Variants in ABCA4 observed in about 807,000 individuals in gnomAD.
ABCA4 encodes retinal-specific phospholipid-transporting ATPase ABCA4.
Under a neutral mutation model 263.7 loss-of-function variants are expected in ABCA4, and 196 were observed. The ratio of observed to expected loss-of-function variants is 0.74; its 90% CI spans 0.66 to 0.84. The LOEUF is 0.84. Ranked by LOEUF, ABCA4 falls within the 40% of genes least tolerant of loss-of-function variation. ABCA4 has a pLI of 0.00. For synonymous variants in ABCA4, 1,133 were observed against 1,094.2 expected (o/e 1.04, Z -0.70); for missense variants, 2,792 against 2,855.1 (o/e 0.98, Z 0.50).
intron 11 of ABCA4, among the ~76,000 whole-genome samples, chr1:94,067,737 A>G (rs759369129): frequency 4.6e-5 from 7 of 152,214 alleles, no homozygotes; most frequent in Non-Finnish European, 7.3e-5. Context: ...TAGGAATAAA[A>G]GCAGATGCTT....
chr1:94,059,818 G>C (rs889213431), intron 14 of ABCA4, among the ~76,000 whole-genome samples: 1 of 152,112 alleles, frequency 6.6e-6, no homozygotes, highest in South Asian at 2.1e-4. Context: ...TATCATCTAC[G>C]GTGGAGGAGC....
In ABCA4 at chr1:94,020,591, G is replaced by C. The variant is rs548617822; in HGVS notation, c.5018+649C>G. Among the ~76,000 whole-genome samples, 33 of 152,336 alleles carry C rather than the reference G, an allele frequency of 2.2e-4. No individual in the cohort carries two copies. In the East Asian group the frequency reaches 5.4e-3, roughly 25 times the overall value. ...GGTGTCCAGAGGAAGACACCAAGGA[G>C]CCAAGGCCCAGGTTTTAGTGGATGA... On this transcript the variant is annotated intron_variant, in intron 35 of 49. Transcript: ENST00000370225.
chr1:94,042,263 C>T (rs1660512276), intron 22 of ABCA4, among the ~76,000 whole-genome samples: 1 of 152,100 alleles, frequency 6.6e-6, no homozygotes, highest in Non-Finnish European at 1.5e-5. Flanking sequence ...CCTCTATGGG[C>T]ACTCAGCTCT....
intron 6 of ABCA4, 149 bp from the exon 7 acceptor site, chr1:94,083,590 AAC>A: frequency 1.6e-6 from 1 of 627,196 alleles, no homozygotes; most frequent in Non-Finnish European, 2.7e-6. Context: ...TACTTTTAGA[AAC>A]AAAAAACTCT....
At chr1:94,091,699 T>C (rs1466780479) in intron 6 of ABCA4, among the ~76,000 whole-genome samples, 4 of 151,790 alleles carry the variant, frequency 2.6e-5, no homozygotes, top group Non-Finnish European at 5.9e-5. Flanking sequence ...ACATCACAAC[T>C]GACAGCACTG....
intron 3 of ABCA4, among the ~76,000 whole-genome samples, chr1:94,110,942 G>A (rs1662584510): frequency 6.6e-6 from 1 of 152,178 alleles, no homozygotes; most frequent in African/African-American, 2.4e-5. Flanking sequence ...TTTGGAAATT[G>A]TATTTTTCTC....
rs1255313634 is a variant in ABCA4 at position 93,993,063 on chromosome 1, C to T, written c.*174G>A. ...CAGGTGAGCAAGTCAGTTTCGGTTTCCTTCTGAAAGACCTCTTTCTGAATT... is the reference window on the plus strand; with the variant it reads ...CAGGTGAGCAAGTCAGTTTCGGTTTTCTTCTGAAAGACCTCTTTCTGAATT... On this transcript the variant is annotated 3_prime_UTR_variant, in exon 50 of 50. Transcript: ENST00000370225. The T allele has an allele frequency of 2.5e-6, 2 of 795,910 alleles. No individual in the cohort carries two copies. Among genetic ancestry groups the T allele is most frequent in the Admixed American group, 4.9e-5 (2 of 40,722 alleles). 49.3% of individuals were successfully genotyped at this position (795,910 alleles called of 1,614,324 possible). A position where few individuals can be genotyped will look rare whatever the true frequency, so the allele number is the denominator to read the frequency against.
intron 8 of ABCA4, among the ~76,000 whole-genome samples, chr1:94,080,234 T>C (rs371147615): frequency 2.9e-4 from 44 of 152,308 alleles, no homozygotes; most frequent in African/African-American, 9.1e-4. Context: ...CAGTGGGAAA[T>C]GGCCCCTCTG....
rs1033033743 is a variant in ABCA4, at chr1:94,046,007, A to C, written c.2918+912T>G. The C allele has an allele frequency of 1.8e-4, 80 of 451,554 alleles. No individual in the cohort carries two copies. The East Asian group carries it at 4.4e-3, about 25-fold the overall frequency. 28.0% of individuals were successfully genotyped at this position (451,554 alleles called of 1,614,324 possible). A position where few individuals can be genotyped will look rare whatever the true frequency, so the allele number is the denominator to read the frequency against. ...GAGCCCCTTTGCCTTCCCTGCCCTG[A>C]CCTTCTGTTACCAGGCGGTTACTCC... is the stretch of plus-strand genomic sequence containing the variant. On this transcript the variant is annotated intron_variant, in intron 19 of 49. Coordinates refer to ENST00000370225, the MANE Select transcript of ABCA4 (RefSeq NM_000350.3).
At chr1:94,114,445 C>T (rs766132531) in intron 1 of ABCA4, among the ~76,000 whole-genome samples, 6 of 151,878 alleles carry the variant, frequency 4.0e-5, no homozygotes, top group Non-Finnish European at 7.4e-5. Context: ...CGCGCACACA[C>T]ACACACAATA....
rs772145351 is a variant in ABCA4, at chr1:94,030,383, C to T, written c.4352+45G>A. 2.5e-6 allele frequency: 4 copies of T among 1,586,670 alleles called. No homozygotes were observed. In the South Asian group the frequency reaches 4.4e-5, roughly 18 times the overall value. On this transcript the variant is annotated intron_variant, in intron 29 of 49. Coordinates refer to ENST00000370225, the MANE Select transcript of ABCA4 (RefSeq NM_000350.3). The stretch of plus-strand genomic sequence containing the variant: ...ATCTTGAACCCACCGTTGGGTCCTC[C>T]CAGGGGAGCTAGTCTTCTTAGGACA...
intron 26 of ABCA4, among the ~76,000 whole-genome samples, chr1:94,035,005 A>T (rs933608437): frequency 4.6e-5 from 7 of 152,210 alleles, no homozygotes; most frequent in African/African-American, 1.7e-4. Flanking sequence ...TACTTACCCA[A>T]AGCCAGTTAG....
intron 14 of ABCA4, among the ~76,000 whole-genome samples, chr1:94,057,887 C>T (rs1419875551): frequency 6.6e-6 from 1 of 152,202 alleles, no homozygotes; most frequent in African/African-American, 2.4e-5. Flanking sequence ...ACATAGAATT[C>T]ATCCTGTGCT....
Position 94,010,789 on chromosome 1 carries a change from C to A in ABCA4, c.5714+11G>T, listed in dbSNP as rs780549587. 2 of 1,614,114 alleles carry A rather than the reference C, an allele frequency of 1.2e-6. No homozygotes were observed. The highest frequency in any genetic ancestry group is 2.2e-5 in the East Asian group (1 of 44,870). On this transcript the variant is annotated intron_variant, in intron 40 of 49. Coordinates refer to ENST00000370225, the MANE Select transcript of ABCA4 (RefSeq NM_000350.3). The stretch of plus-strand genomic sequence containing the variant: ...AGCTGCCCACTGGCCCAGGGTGTGG[C>A]ATGGACGTACCATTGGGAGAGGAAG...
intron 47 of ABCA4, among the ~76,000 whole-genome samples, chr1:93,999,905 A>G (rs4147871): frequency 0.13 from 19,315 of 152,262 alleles, 2,046 homozygotes; most frequent in African/African-American, 0.29. Context: ...TGCTATTTCT[A>G]TAGATATCTA....
chr1:94,082,587 C>G (rs1307089577), intron 7 of ABCA4, among the ~76,000 whole-genome samples: 3 of 152,190 alleles, frequency 2.0e-5, no homozygotes, highest in South Asian at 4.1e-4. Flanking sequence ...TTTATAAAGA[C>G]AGATTCCAAC....
intron 13 of ABCA4, 45 bp downstream of exon 13, chr1:94,062,532 C>A (rs1661155258): frequency 1.9e-6 from 3 of 1,610,734 alleles, no homozygotes; most frequent in Non-Finnish European, 2.5e-6. Context: ...ACTCCAGCAC[C>A]CCCATTAGCG....
At chr1:94,000,956 A>G (rs754121751) in intron 46 of ABCA4, 28 bp from the exon 47 acceptor site, 3 of 1,614,056 alleles carry the variant, frequency 1.9e-6, no homozygotes, top group Admixed American at 1.7e-5. Flanking sequence ...GGAGGTGAGC[A>G]GGAGAGGATT....
At chr1:94,009,426 T>C (rs753487414) in intron 40 of ABCA4, among the ~76,000 whole-genome samples, 19 of 152,168 alleles carry the variant, frequency 1.2e-4, no homozygotes, top group Non-Finnish European at 2.6e-4. Context: ...AGCTGTAGGT[T>C]GAAGCCCTCC....
Sources: allele counts gnomAD v4.1 joint callset (sites outside exome capture counted in the v4.1 genomes callset), GRCh38; gene constraint gnomAD v4.1.1; transcripts MANE v1.5; gene names NCBI Gene and HGNC (gene_info 2026-07-23, HGNC 2026-07-21).